Variants in SAMSN1 observed in about 807,000 individuals in gnomAD.
SAMSN1 encodes SAM domain, SH3 domain and nuclear localization signals 1, also known as SAM domain-containing protein SAMSN-1.
Under a neutral mutation model 42.0 loss-of-function variants are expected in SAMSN1, and 31 were observed. The observed-to-expected ratio is 0.74, with a 90% CI of 0.55 to 1.00. The LOEUF (loss-of-function observed/expected upper bound fraction) is 1.00, where lower values mean the gene tolerates loss of function less well. SAMSN1 is among the 50% of genes least tolerant of loss of function. The pLI, the probability that SAMSN1 is intolerant of heterozygous loss-of-function variation, is 0.00. For synonymous variants in SAMSN1, 178 were observed against 151.9 expected (o/e 1.17, Z -1.26); for missense variants, 464 against 439.4 (o/e 1.06, Z -0.50).
Position 14,498,428 on chromosome 21 carries a change from G to GT in SAMSN1, c.919+13dup. Reference sequence around the variant, plus strand: ...GATTATCAGCTGGGGAGAAGAGTAGGTGTACACACTTACTTTCTTCTTCAA... The same window carrying GT: ...GATTATCAGCTGGGGAGAAGAGTAGGTTGTACACACTTACTTTCTTCTTCAA... On this transcript the variant is annotated intron_variant, in intron 7 of 7. Coordinates refer to ENST00000400566, the MANE Select transcript of SAMSN1 (RefSeq NM_022136.5). The GT allele has an allele frequency of 6.2e-7, 1 of 1,603,554 alleles. No homozygotes were observed. Among genetic ancestry groups the GT allele is most frequent in the African/African-American group, 1.3e-5 (1 of 74,240 alleles).
chr21:14,528,595 CTT>C (rs1979034011), intron 1 of SAMSN1, among the ~76,000 whole-genome samples: 1 of 152,214 alleles, frequency 6.6e-6, no homozygotes, highest in African/African-American at 2.4e-5. Context: ...AGTTTGGACA[CTT>C]AATGTAAAAT....
At chr21:14,517,146 A>G (rs953980861) in intron 2 of SAMSN1, 105 bp from the exon 3 acceptor site, 1 of 1,088,996 alleles carries the variant, frequency 9.2e-7, no homozygotes, top group South Asian at 1.7e-5. Context: ...TTTTGCATGC[A>G]TTCTGTGCAG....
chr21:14,535,773 G>T (rs1347908401), intron 1 of SAMSN1, among the ~76,000 whole-genome samples: 1 of 152,118 alleles, frequency 6.6e-6, no homozygotes, highest in Non-Finnish European at 1.5e-5. Context: ...AAAAAGAAAG[G>T]CCCAGAACAG....
intron 2 of SAMSN1, among the ~76,000 whole-genome samples, chr21:14,637,214 C>T (rs150189281): frequency 0.014 from 2,116 of 151,826 alleles, 23 homozygotes; most frequent in Non-Finnish European, 0.019. Flanking sequence ...AGATTTTTTT[C>T]GCTGGGACTG....
intron 2 of SAMSN1, among the ~76,000 whole-genome samples, chr21:14,563,649 C>T (rs147096116): frequency 6.6e-6 from 1 of 152,204 alleles, no homozygotes; most frequent in African/African-American, 2.4e-5. Context: ...AGCTTCTTCC[C>T]CAGTAACTAA....
At chr21:14,581,275 A>T (rs1981709141) in intron 2 of SAMSN1, among the ~76,000 whole-genome samples, 1 of 143,026 alleles carries the variant, frequency 7.0e-6, no homozygotes, top group African/African-American at 2.6e-5. Context: ...TAGCTGTCTG[A>T]CTTTGCACCT....
intron 2 of SAMSN1, among the ~76,000 whole-genome samples, chr21:14,552,473 G>A (rs1347232943): frequency 6.6e-6 from 1 of 151,978 alleles, no homozygotes; most frequent in East Asian, 1.9e-4. Context: ...TTATAAAAGA[G>A]GCTAGAGAGA....
chr21:14,648,622 C>A (rs997262531), intron 1 of SAMSN1, among the ~76,000 whole-genome samples: 1 of 151,924 alleles, frequency 6.6e-6, no homozygotes, highest in Non-Finnish European at 1.5e-5. Context: ...TATGAACAGA[C>A]ACTTCTCAAA....
intron 1 of SAMSN1, among the ~76,000 whole-genome samples, chr21:14,656,867 T>C (rs1983924867): frequency 1.3e-5 from 2 of 151,886 alleles, no homozygotes; most frequent in African/African-American, 2.4e-5. Context: ...ATATTTAAAA[T>C]CACCTGCTTC....
chr21:14,495,269 A>G (rs1486893492), intron 7 of SAMSN1, among the ~76,000 whole-genome samples: 1 of 152,240 alleles, frequency 6.6e-6, no homozygotes. Context: ...TGTAGGAGAT[A>G]TGATTCACAG....
At chr21:14,633,102 G>T (rs1983374012) in intron 2 of SAMSN1, among the ~76,000 whole-genome samples, 1 of 151,962 alleles carries the variant, frequency 6.6e-6, no homozygotes. Flanking sequence ...AGATGTTATG[G>T]TTAATTTATT....
At chr21:14,521,311 C>A in intron 1 of SAMSN1, 90 bp from the exon 2 acceptor site, 2 of 828,408 alleles carry the variant, frequency 2.4e-6, no homozygotes, top group Admixed American at 2.6e-5. Flanking sequence ...GTTTAATAAG[C>A]ACCGTCTCTT....
intron 7 of SAMSN1, among the ~76,000 whole-genome samples, chr21:14,590,266 A>ATTTTT: frequency 6.6e-6 from 1 of 150,908 alleles, no homozygotes. Context: ...AATTGGGAGA[A>ATTTTT]TTTTTTTTTC....
chr21:14,587,033 G>A (rs1474210594), upstream of SAMSN1, among the ~76,000 whole-genome samples: 1 of 152,156 alleles, frequency 6.6e-6, no homozygotes. Context: ...TGTAGAGCAG[G>A]TTGAAGAATA....
In SAMSN1 at chr21:14,544,342, C is replaced by A. The variant is rs144622009; in HGVS notation, c.57+1863G>T. On this transcript the variant is annotated intron_variant, in intron 1 of 7. Coordinates refer to ENST00000400566, the MANE Select transcript of SAMSN1 (RefSeq NM_022136.5). ...CTGGAACTACAGGTGTGAGCCCATG[C>A]ACCTGGACAGATACTGCTCTTTATT... 3.0e-3 allele frequency among the ~76,000 whole-genome samples: 463 copies of A among 152,258 alleles called. 1 individual carries two copies. The highest frequency in any genetic ancestry group is 0.011 in the African/African-American group (441 of 41,552).
chr21:14,589,669 G>A (rs781010738), intron 7 of SAMSN1, among the ~76,000 whole-genome samples: 47 of 152,098 alleles, frequency 3.1e-4, no homozygotes, highest in Non-Finnish European at 6.2e-4. Flanking sequence ...GGCTTATGGA[G>A]ACTAACAAAA....
chr21:14,546,877 T>G (rs958395626), upstream of SAMSN1, among the ~76,000 whole-genome samples: 1 of 151,960 alleles, frequency 6.6e-6, no homozygotes, highest in Non-Finnish European at 1.5e-5. Flanking sequence ...GCCTGGCTAA[T>G]TTTTTGTATT....
chr21:14,577,048 C>CTTTTTTTTTTTTTT (rs991163598), intron 2 of SAMSN1, among the ~76,000 whole-genome samples: 1 of 54,918 alleles, frequency 1.8e-5, no homozygotes, highest in Non-Finnish European at 3.3e-5. Flanking sequence ...GCATCCGTTT[C>CTTTTTTTTTTTTTT]TTTTTTTTTT....
At chr21:14,638,946 A>G (rs559681590) in intron 2 of SAMSN1, among the ~76,000 whole-genome samples, 12 of 152,330 alleles carry the variant, frequency 7.9e-5, no homozygotes, top group African/African-American at 2.9e-4. Context: ...AGCTTGAGTA[A>G]TGAACCTTCA....
Sources: gnomAD v4.1 joint callset for allele counts (sites outside exome capture counted in the v4.1 genomes callset) on GRCh38, gnomAD v4.1.1 for gene constraint, MANE v1.5 for transcripts, NCBI Gene and HGNC (gene_info 2026-07-23, HGNC 2026-07-21) for gene names.